WDR86: variants seen among roughly 807,000 people sequenced by gnomAD.
The protein encoded by WDR86 is WD repeat-containing protein 86.
In WDR86, 30 loss-of-function variants were observed where a neutral mutation model predicts 36.5. That is an observed-to-expected ratio of 0.82 (90% CI 0.61 to 1.11). The LOEUF (loss-of-function observed/expected upper bound fraction) is 1.11, where lower values mean the gene tolerates loss of function less well. Ranked by LOEUF, WDR86 falls within the 50% of genes most tolerant of loss-of-function variation. The pLI is 0.00. For synonymous variants in WDR86, 255 were observed against 252.9 expected, an observed-to-expected ratio of 1.01 and a Z score of -0.08; for missense variants, 545 against 561.2, an observed-to-expected ratio of 0.97 and a Z score of 0.29.
Position 151,401,163 on chromosome 7 carries a change from T to C in WDR86, c.164-922A>G, listed in dbSNP as rs2019202. ...TGCTCTCTCATCCTCACAGGCAGCC[T>C]ACCCTGACTCCCCTCTTGGGGCGTC... is the stretch of plus-strand genomic sequence containing the variant. On this transcript the variant is annotated intron_variant, in intron 1 of 5. Coordinates refer to ENST00000334493, the MANE Select transcript of WDR86 (RefSeq NM_198285.3). The surrounding 1 kb of genome is among the most constrained non-coding windows in gnomAD (Gnocchi z 4.3). Among the ~76,000 whole-genome samples, 88,590 of 152,104 alleles carry C rather than the reference T, an allele frequency of 0.58. 25,972 individuals are homozygous for C. The highest frequency in any genetic ancestry group is 0.68 in the East Asian group (3,505 of 5,176).
chr7:151,400,523 A>G (rs1323972732), intron 1 of WDR86, among the ~76,000 whole-genome samples: 1 of 152,210 alleles, frequency 6.6e-6, no homozygotes, highest in Non-Finnish European at 1.5e-5. Flanking sequence ...CTGAGATTAC[A>G]GGCGCATACC....
intron 2 of WDR86, among the ~76,000 whole-genome samples, chr7:151,398,286 ATATG>A (rs1175916086): frequency 3.3e-5 from 5 of 151,658 alleles, no homozygotes; most frequent in African/African-American, 9.7e-5. Context: ...GTATGGGTGC[ATATG>A]TATGTTGTGT....
chr7:151,409,491 G>T lies in WDR86; in HGVS notation c.99C>A (p.Gly33=). ...LSPDGQRLLT[G]SEDGTARLWS... ...AGAGCCGGGCCGTGCCGTCCTCGCTGCCCGTCAGCAGGCGCTGCCCGTCGG... is the reference window on the plus strand; with the variant it reads ...AGAGCCGGGCCGTGCCGTCCTCGCTTCCCGTCAGCAGGCGCTGCCCGTCGG... The change falls in exon 1 of 6, where the codon GGC becomes GGA. Residue 33 remains glycine (G), a synonymous_variant. Transcript: ENST00000334493. The surrounding 1 kb of genome is among the most constrained non-coding windows in gnomAD (Gnocchi z 5.2). 1 of 1,534,642 alleles carries T rather than the reference G, an allele frequency of 6.5e-7. No homozygotes were observed. Among genetic ancestry groups the T allele is most frequent in the Non-Finnish European group, 8.7e-7 (1 of 1,146,368 alleles).
chr7:151,388,180 G>A lies in WDR86; in HGVS notation c.727-2957C>T, dbSNP rs370694386. On this transcript the variant is annotated intron_variant, in intron 3 of 5. Coordinates refer to ENST00000334493, the MANE Select transcript of WDR86 (RefSeq NM_198285.3). This position sits in a 1 kb window ranked among gnomAD's most constrained non-coding sequence, Gnocchi z 4.2. ...CCACCACCTCGGGCTCCCAGATCCT[G>A]TAGGTCTTTCTTTTCTCTGGCTGGA... is the stretch of plus-strand genomic sequence containing the variant. 1.2e-4 allele frequency among the ~76,000 whole-genome samples: 18 copies of A among 152,362 alleles called. No individual in the cohort carries two copies. In the East Asian group the frequency reaches 2.5e-3, roughly 21 times the overall value.
downstream of WDR86, chr7:151,374,771 C>T (rs1007085149): frequency 3.6e-5 from 6 of 168,832 alleles, no homozygotes; most frequent in Admixed American, 2.3e-4. Flanking sequence ...AGAAGCATAT[C>T]GAATCCTCAG....
intron 3 of WDR86, among the ~76,000 whole-genome samples, chr7:151,389,558 C>T (rs1340871829): frequency 1.3e-5 from 2 of 152,204 alleles, no homozygotes; most frequent in African/African-American, 4.8e-5. Context: ...AAAACGATTT[C>T]AGAGGCGACA....
In WDR86 at chr7:151,381,525, G is replaced by A; in HGVS notation, c.*57C>T. Reference sequence around the variant, plus strand: ...GCGCCACCACCGCGGGTAGCAGGGCGGGGCGCTCTGGGAGCCGCTGGGTGT... The same window carrying A: ...GCGCCACCACCGCGGGTAGCAGGGCAGGGCGCTCTGGGAGCCGCTGGGTGT... On this transcript the variant is annotated 3_prime_UTR_variant, in exon 6 of 6. Transcript: ENST00000334493. This position sits in a 1 kb window ranked among gnomAD's most constrained non-coding sequence, Gnocchi z 4.8. 6.4e-6 allele frequency: 9 copies of A among 1,412,934 alleles called. No individual in the cohort carries two copies. Among genetic ancestry groups the A allele is most frequent in the South Asian group, 1.5e-5 (1 of 66,810 alleles). The allele number at this position is 1,412,934 out of a possible 1,614,324, so 87.5% of individuals were successfully genotyped here. A position where few individuals can be genotyped will look rare whatever the true frequency, so the allele number is the denominator to read the frequency against.
intron 2 of WDR86, among the ~76,000 whole-genome samples, chr7:151,398,902 C>T (rs537367413): frequency 6.6e-6 from 1 of 152,188 alleles, no homozygotes; most frequent in African/African-American, 2.4e-5. Flanking sequence ...GCCTGACTCA[C>T]AGGAGGGCGC....
At position 151,409,260 on chromosome 7, in the gene WDR86, G is replaced by T; in HGVS notation, c.163+167C>A. On this transcript the variant is annotated intron_variant, in intron 1 of 5. Coordinates refer to ENST00000334493, the MANE Select transcript of WDR86 (RefSeq NM_198285.3). The surrounding 1 kb of genome is among the most constrained non-coding windows in gnomAD (Gnocchi z 5.2). ...CAGACCTCACCCTGCCCTGCCGTGC[G>T]CTCAACAGCCAGATGCTGGGCCCAG... 1.7e-6 allele frequency: 2 copies of T among 1,195,402 alleles called. No homozygotes were observed. The highest frequency in any genetic ancestry group is 1.2e-6 in the Non-Finnish European group (1 of 848,860). 74.0% of individuals were successfully genotyped at this position (1,195,402 alleles called of 1,614,324 possible). A position where few individuals can be genotyped will look rare whatever the true frequency, so the allele number is the denominator to read the frequency against.
chr7:151,408,741 G>A (rs146130353), intron 1 of WDR86: 3 of 387,224 alleles, frequency 7.7e-6, no homozygotes, highest in Non-Finnish European at 1.6e-5. Flanking sequence ...ACAGGCCCAG[G>A]GGAAGGTGCA....
In WDR86 at chr7:151,381,685, C is replaced by G; in HGVS notation, c.1028G>C (p.Arg343Pro). The change falls in exon 6 of 6, where the codon CGC (arginine) becomes CCC (proline). Residue 343 changes from arginine (R) to proline (P), a missense_variant. Coordinates refer to ENST00000334493, the MANE Select transcript of WDR86 (RefSeq NM_198285.3). This position sits in a 1 kb window ranked among gnomAD's most constrained non-coding sequence, Gnocchi z 4.8. ...GGGCCGCGGGGCACCTCGGAGCCCG[C>G]GCACGTCCCAGAGGCGCAGGGCGCC... ...HDGALRLWDV[R>P]GLRGAPRPPP... 7.0e-7 allele frequency: 1 copy of G among 1,435,178 alleles called. No homozygotes were observed. The highest frequency in any genetic ancestry group is 1.5e-5 in the South Asian group (1 of 67,892). 88.9% of individuals were successfully genotyped at this position (1,435,178 alleles called of 1,614,324 possible).
chr7:151,385,461 C>T (rs904568646), intron 3 of WDR86, among the ~76,000 whole-genome samples: 4 of 152,224 alleles, frequency 2.6e-5, no homozygotes, highest in African/African-American at 9.6e-5. Flanking sequence ...CAGCCCCACA[C>T]TGCCCTGGGC....
chr7:151,395,680 T>C lies in WDR86; in HGVS notation c.726+96A>G, dbSNP rs2150809680. On this transcript the variant is annotated intron_variant, in intron 3 of 5. Coordinates refer to ENST00000334493, the MANE Select transcript of WDR86 (RefSeq NM_198285.3). Reference sequence around the variant, plus strand: ...CCAGGCCCCCATCTGCAGCGCTTTGTTATGCAGCCGAATCACAGATACCCA... The same window carrying C: ...CCAGGCCCCCATCTGCAGCGCTTTGCTATGCAGCCGAATCACAGATACCCA... 3 of 1,398,048 alleles carry C rather than the reference T, an allele frequency of 2.1e-6. No homozygotes were observed. The East Asian group carries it at 7.5e-5, about 35-fold the overall frequency. The allele number at this position is 1,398,048 out of a possible 1,614,324, so 86.6% of individuals were successfully genotyped here. A position where few individuals can be genotyped will look rare whatever the true frequency, so the allele number is the denominator to read the frequency against.
chr7:151,391,401 A>G (rs1675327614), intron 3 of WDR86, among the ~76,000 whole-genome samples: 2 of 152,224 alleles, frequency 1.3e-5, no homozygotes, highest in Non-Finnish European at 2.9e-5. Flanking sequence ...CAGCCTTCTA[A>G]CCCCTGCAAA....
At position 151,383,636 on chromosome 7, in the gene WDR86, A is replaced by G. The variant is rs530559615; in HGVS notation, c.862+1452T>C. Among the ~76,000 whole-genome samples the G allele has an allele frequency of 1.3e-3, 196 of 152,286 alleles. 1 individual carries two copies. The highest frequency in any genetic ancestry group is 4.4e-3 in the African/African-American group (182 of 41,558). ...CCAGCCTGTTCCAGCCTTTTTGTTAAAACTACAGAGTGAATGGCCCCAGAG... is the reference window on the plus strand; with the variant it reads ...CCAGCCTGTTCCAGCCTTTTTGTTAGAACTACAGAGTGAATGGCCCCAGAG... On this transcript the variant is annotated intron_variant, in intron 4 of 5. Transcript: ENST00000334493.
In WDR86 at chr7:151,388,004, C is replaced by A. The variant is rs774416240; in HGVS notation, c.727-2781G>T. ...ATGCACTGCTGTGCGCCACACGCAGCCCAGGGCCTGAACATGGTAACCCCC... is the reference window on the plus strand; with the variant it reads ...ATGCACTGCTGTGCGCCACACGCAGACCAGGGCCTGAACATGGTAACCCCC... On this transcript the variant is annotated intron_variant, in intron 3 of 5. Transcript: ENST00000334493. The surrounding 1 kb of genome is among the most constrained non-coding windows in gnomAD (Gnocchi z 4.2). 6.6e-6 allele frequency among the ~76,000 whole-genome samples: 1 copy of A among 152,272 alleles called. No individual in the cohort carries two copies. Among genetic ancestry groups the A allele is most frequent in the Non-Finnish European group, 1.5e-5 (1 of 68,048 alleles).
intron 2 of WDR86, among the ~76,000 whole-genome samples, chr7:151,396,715 C>T (rs768622880): frequency 6.6e-6 from 1 of 152,194 alleles, no homozygotes; most frequent in Non-Finnish European, 1.5e-5. Context: ...AGATGAGGGC[C>T]CTGAGAAGCT....
At chr7:151,376,680 G>C, downstream of WDR86, 2 of 1,611,388 alleles carry the variant, frequency 1.2e-6, no homozygotes. Flanking sequence ...GCTGCGCTGA[G>C]AGTGTTCAGA....
downstream of WDR86, among the ~76,000 whole-genome samples, chr7:151,371,555 G>C (rs1004927009): frequency 3.9e-5 from 6 of 152,128 alleles, no homozygotes; most frequent in Non-Finnish European, 7.4e-5. Context: ...CCCATTCAGG[G>C]GCCACCTGGG....
Sources: gnomAD v4.1 joint callset for allele counts (sites outside exome capture counted in the v4.1 genomes callset) on GRCh38, gnomAD v4.1.1 for gene constraint, Gnocchi (gnomAD v3.1) non-coding constraint, MANE v1.5 for transcripts, NCBI Gene and HGNC (gene_info 2026-07-23, HGNC 2026-07-21) for gene names.